The following MTMR2 variants were observed in gnomAD, a reference collection of about 807,000 sequenced individuals.
The protein encoded by MTMR2 is phosphatidylinositol-3,5-bisphosphate 3-phosphatase MTMR2.
In MTMR2, 55 loss-of-function variants were observed where a neutral mutation model predicts 86.9. The observed-to-expected ratio is 0.63, with a 90% CI of 0.51 to 0.79. MTMR2 has a LOEUF of 0.79. Among genes scored for constraint, MTMR2 ranks in the 30% least tolerant of loss-of-function variants. The pLI is 0.00. For synonymous variants in MTMR2, 241 were observed against 266.8 expected (o/e 0.90, Z 0.94); for missense variants, 659 against 772.3 (o/e 0.85, Z 1.74).
intron 8 of MTMR2, among the ~76,000 whole-genome samples, chr11:95,850,285 AAAG>A (rs1249737298): frequency 4.0e-5 from 6 of 151,864 alleles, no homozygotes; most frequent in African/African-American, 7.2e-5. Flanking sequence ...TAAAAAAAAA[AAAG>A]AACATTTATC....
At chr11:95,888,917 C>G (rs1011450684) in intron 1 of MTMR2, among the ~76,000 whole-genome samples, 1 of 152,030 alleles carries the variant, frequency 6.6e-6, no homozygotes, top group Non-Finnish European at 1.5e-5. Context: ...AAAGGCAATG[C>G]AAAGGTATAG....
At chr11:95,889,861 T>TA (rs985537435) in intron 1 of MTMR2, among the ~76,000 whole-genome samples, 1 of 152,232 alleles carries the variant, frequency 6.6e-6, no homozygotes, top group Middle Eastern at 3.2e-3. Flanking sequence ...AATTGGGTGT[T>TA]AAAGTTCAGA....
intron 1 of MTMR2, among the ~76,000 whole-genome samples, chr11:95,905,950 G>C (rs576188914): frequency 6.2e-4 from 94 of 152,210 alleles, no homozygotes; most frequent in African/African-American, 2.2e-3. Context: ...ACTTGGCCAG[G>C]CATCGTGGTT....
intron 2 of MTMR2, among the ~76,000 whole-genome samples, chr11:95,874,630 T>A (rs565176094): frequency 1.3e-5 from 2 of 152,346 alleles, no homozygotes; most frequent in Admixed American, 6.5e-5. Context: ...AATTTGATCC[T>A]GTCATTATGA....
chr11:95,869,825 T>TATACGAA (rs1864784560), intron 2 of MTMR2, among the ~76,000 whole-genome samples: 1 of 151,930 alleles, frequency 6.6e-6, no homozygotes, highest in African/African-American at 2.4e-5. Context: ...TGGGTCCATT[T>TATACGAA]ATATGAAATT....
intron 1 of MTMR2, among the ~76,000 whole-genome samples, chr11:95,891,872 G>T (rs1462185898): frequency 6.6e-6 from 1 of 152,032 alleles, no homozygotes; most frequent in Admixed American, 6.6e-5. Flanking sequence ...GAGTGCACAG[G>T]ATAGAGGGAG....
rs551376111 is a variant in MTMR2, at chr11:95,850,003, T to C, written c.805-141A>G. The stretch of plus-strand genomic sequence containing the variant: ...GGACATCTGAGGCTGCTAAGAAAAA[T>C]CATCACCTTTCCTTCAAGCCAATTC... On this transcript the variant is annotated intron_variant, in intron 8 of 14. Coordinates refer to ENST00000346299, the MANE Select transcript of MTMR2 (RefSeq NM_016156.6). 37 of 786,630 alleles carry C rather than the reference T, an allele frequency of 4.7e-5. No individual in the cohort carries two copies. In the African/African-American group the frequency reaches 4.8e-4, roughly 10 times the overall value. The allele number at this position is 786,630 out of a possible 1,614,324, so 48.7% of individuals were successfully genotyped here. A position where few individuals can be genotyped will look rare whatever the true frequency, so the allele number is the denominator to read the frequency against.
In MTMR2 at chr11:95,836,425, T is replaced by C. The variant is rs1181850159; in HGVS notation, c.1594-101A>G. The C allele has an allele frequency of 5.2e-6, 6 of 1,152,290 alleles. No homozygotes were observed. In the African/African-American group the frequency reaches 7.6e-5, roughly 15 times the overall value. The allele number at this position is 1,152,290 out of a possible 1,614,324, so 71.4% of individuals were successfully genotyped here. ...TACTTTGTTGTCATTAAAATCTCTT[T>C]AGAGGAAGTGGACTTGGAGACTTCA... is the stretch of plus-strand genomic sequence containing the variant. On this transcript the variant is annotated intron_variant, in intron 13 of 14. Coordinates refer to ENST00000346299, the MANE Select transcript of MTMR2 (RefSeq NM_016156.6).
At chr11:95,915,515 T>C (rs944823384) in intron 1 of MTMR2, among the ~76,000 whole-genome samples, 1 of 152,170 alleles carries the variant, frequency 6.6e-6, no homozygotes, top group African/African-American at 2.4e-5. Flanking sequence ...ATATTTAAGT[T>C]AGGTGACAAA....
chr11:95,886,263 G>A (rs1026881320), intron 2 of MTMR2, among the ~76,000 whole-genome samples: 1 of 152,130 alleles, frequency 6.6e-6, no homozygotes, highest in African/African-American at 2.4e-5. Context: ...TATAATGGGT[G>A]GAACTGGATG....
At chr11:95,909,375 C>T (rs997701987) in intron 1 of MTMR2, among the ~76,000 whole-genome samples, 1 of 152,104 alleles carries the variant, frequency 6.6e-6, no homozygotes, top group Non-Finnish European at 1.5e-5. Context: ...TATGTCTAAA[C>T]AAATGAAGTT....
At chr11:95,868,689 C>T (rs1157697696) in intron 2 of MTMR2, among the ~76,000 whole-genome samples, 1 of 151,736 alleles carries the variant, frequency 6.6e-6, no homozygotes, top group African/African-American at 2.4e-5. Context: ...CAGAGACATA[C>T]CTAGTTGCAT....
chr11:95,911,004 T>C (rs186560040), intron 1 of MTMR2, among the ~76,000 whole-genome samples: 6 of 152,304 alleles, frequency 3.9e-5, no homozygotes, highest in Admixed American at 3.9e-4. Context: ...AATTAATTTA[T>C]AATTTTTAAT....
At chr11:95,849,502 G>T (rs1390056420) in intron 9 of MTMR2, among the ~76,000 whole-genome samples, 172 bp downstream of exon 9, 1 of 152,044 alleles carries the variant, frequency 6.6e-6, no homozygotes, top group African/African-American at 2.4e-5. Flanking sequence ...ACAAATTGAG[G>T]TCTAAAGAGG....
At chr11:95,841,735 G>A (rs1863557215) in intron 11 of MTMR2, 26 bp from the exon 12 acceptor site, 1 of 1,466,748 alleles carries the variant, frequency 6.8e-7, no homozygotes, top group Non-Finnish European at 9.5e-7. Context: ...TGAAATATAT[G>A]AACTTAGGGG....
intron 1 of MTMR2, among the ~76,000 whole-genome samples, chr11:95,891,451 A>G (rs1865709663): frequency 6.8e-6 from 1 of 147,574 alleles, no homozygotes; most frequent in Non-Finnish European, 1.5e-5. Context: ...ACTCTCACCA[A>G]AAAAAAAAAA....
At position 95,833,936 on chromosome 11, in the gene MTMR2, G is replaced by A. The variant is rs1196450877; in HGVS notation, c.*1354C>T. On this transcript the variant is annotated 3_prime_UTR_variant, in exon 15 of 15. Coordinates refer to ENST00000346299, the MANE Select transcript of MTMR2 (RefSeq NM_016156.6). The stretch of plus-strand genomic sequence containing the variant: ...CTCTCTGTATAGTGAATTAGTGAGT[G>A]GAAAAACACTGTATATTTTAATTGT... 6.6e-6 allele frequency: 1 copy of A among 151,800 alleles called. No individual in the cohort carries two copies. The highest frequency in any genetic ancestry group is 6.6e-5 in the Admixed American group (1 of 15,166). The allele number at this position is 151,800 out of a possible 1,614,324, so 9.4% of individuals were successfully genotyped here.
Position 95,835,417 on chromosome 11 carries a change from G to C in MTMR2, c.1805C>G (p.Ala602Gly), listed in dbSNP as rs76784113. The C allele has an allele frequency of 8.5e-4, 1,369 of 1,613,024 alleles. 32 individuals carry two copies. The East Asian group carries it at 0.028, about 33-fold the overall frequency. ...TTTTTTCTGAAGCTCTGCTCGTTTAGCAAGAAGTTCTTTGTATCTGTTGTG... is the reference window on the plus strand; with the variant it reads ...TTTTTTCTGAAGCTCTGCTCGTTTACCAAGAAGTTCTTTGTATCTGTTGTG... ...PIHNRYKELL[A>G]KRAELQKKVE... Residue 602 changes from alanine (A) to glycine (G), a missense_variant, in exon 15 of 15, where the codon GCT (alanine) becomes GGT (glycine). By Grantham distance (60) the Ala-to-Gly change is moderately conservative. Transcript: ENST00000346299.
rs371081575 is a variant in MTMR2, at chr11:95,888,147, T to G, written c.186+9A>C. On this transcript the variant is annotated intron_variant, in intron 2 of 14. Transcript: ENST00000346299. Reference sequence around the variant, plus strand: ...GTACTTCATCAGAACTTTAAAATAGTATACATACCCTCAAATCAGGAGAAA... The same window carrying G: ...GTACTTCATCAGAACTTTAAAATAGGATACATACCCTCAAATCAGGAGAAA... 1.9e-6 allele frequency: 3 copies of G among 1,567,860 alleles called. No homozygotes were observed. The highest frequency in any genetic ancestry group is 2.6e-6 in the Non-Finnish European group (3 of 1,141,666).
Sources: allele counts gnomAD v4.1 joint callset (sites outside exome capture counted in the v4.1 genomes callset), GRCh38; gene constraint gnomAD v4.1.1; transcripts MANE v1.5; gene names NCBI Gene and HGNC (gene_info 2026-07-23, HGNC 2026-07-21).